Variants in ASAP2 observed in about 807,000 individuals in gnomAD.
ASAP2 encodes ArfGAP with SH3 domain, ankyrin repeat and PH domain 2.
In ASAP2, 45 loss-of-function variants were observed where a neutral mutation model predicts 131.4. The ratio of observed to expected loss-of-function variants is 0.34; its 90% CI spans 0.27 to 0.44. The LOEUF is 0.44. Among genes scored for constraint, ASAP2 ranks in the 20% least tolerant of loss-of-function variants. The pLI, the probability that ASAP2 is intolerant of heterozygous loss-of-function variation, is 1.00. For synonymous variants in ASAP2, 510 were observed against 503.0 expected, an observed-to-expected ratio of 1.01 and a Z score of -0.19; for missense variants, 1,011 against 1,297.0, an observed-to-expected ratio of 0.78 and a Z score of 3.39.
chr2:9,371,912 C>T (rs1674001432), intron 16 of ASAP2, among the ~76,000 whole-genome samples: 3 of 152,080 alleles, frequency 2.0e-5, no homozygotes, highest in Admixed American at 2.0e-4. Flanking sequence ...GTCAGGAGAT[C>T]GAGACCATCC....
chr2:9,229,585 T>C (rs1172389883), intron 1 of ASAP2, among the ~76,000 whole-genome samples: 1 of 152,132 alleles, frequency 6.6e-6, no homozygotes, highest in East Asian at 1.9e-4. Context: ...GCTGGCTGCT[T>C]TTCTGTAGGA....
intron 1 of ASAP2, among the ~76,000 whole-genome samples, chr2:9,221,432 G>A (rs1032695816): frequency 2.6e-5 from 4 of 151,156 alleles, no homozygotes; most frequent in African/African-American, 9.7e-5. Context: ...TGGGATTGCA[G>A]GCATGAGCCA....
In ASAP2 at chr2:9,245,778, C is replaced by T. The variant is rs1304636655; in HGVS notation, c.127-33539C>T. ...ATGCATTAGTCGGTTCGTCGTCTGC[C>T]TCCACTAGAGTGTCATGGATGCTCC... is the stretch of plus-strand genomic sequence containing the variant. On this transcript the variant is annotated intron_variant, in intron 1 of 27. Coordinates refer to ENST00000281419, the MANE Select transcript of ASAP2 (RefSeq NM_003887.3). Among the ~76,000 whole-genome samples, 9 of 152,038 alleles carry T rather than the reference C, an allele frequency of 5.9e-5. 1 individual carries two copies. Among genetic ancestry groups the T allele is most frequent in the Admixed American group, 5.9e-4 (9 of 15,252 alleles).
intron 1 of ASAP2, among the ~76,000 whole-genome samples, chr2:9,241,126 A>T (rs577604419): frequency 6.6e-6 from 1 of 152,382 alleles, no homozygotes; most frequent in South Asian, 2.1e-4. Context: ...GAAACTGTGG[A>T]TAAGAGGGTA....
intron 24 of ASAP2, among the ~76,000 whole-genome samples, chr2:9,398,346 CA>C (rs1676351047): frequency 6.6e-6 from 1 of 151,530 alleles, no homozygotes; most frequent in South Asian, 2.1e-4. Flanking sequence ...CATGTCTTTA[CA>C]AAAAATTTTG....
intron 3 of ASAP2, among the ~76,000 whole-genome samples, chr2:9,317,117 A>ACATCCACATTCACACAC (rs1558324132): frequency 9.9e-5 from 10 of 101,154 alleles, no homozygotes; most frequent in African/African-American, 2.0e-4. Flanking sequence ...ACCCCACGCA[A>ACATCCACATTCACACAC]TCACAACCAC....
intron 7 of ASAP2, among the ~76,000 whole-genome samples, chr2:9,328,860 T>C (rs1003546721): frequency 6.6e-6 from 1 of 152,248 alleles, no homozygotes; most frequent in African/African-American, 2.4e-5. Context: ...AAGAGACAAA[T>C]TTCTAATTAG....
At chr2:9,271,802 A>T (rs533095667) in intron 1 of ASAP2, among the ~76,000 whole-genome samples, 1 of 151,982 alleles carries the variant, frequency 6.6e-6, no homozygotes, top group Non-Finnish European at 1.5e-5. Context: ...AATTGAAAAC[A>T]TGGAGTGTTT....
At chr2:9,343,059 A>G (rs1671697363) in intron 9 of ASAP2, among the ~76,000 whole-genome samples, 1 of 152,102 alleles carries the variant, frequency 6.6e-6, no homozygotes, top group Non-Finnish European at 1.5e-5. Context: ...TTCTCCAAGG[A>G]TGGTGAGCTG....
chr2:9,317,015 TCA>T (rs1477118262), intron 3 of ASAP2, among the ~76,000 whole-genome samples: 1 of 124,560 alleles, frequency 8.0e-6, no homozygotes, highest in East Asian at 2.5e-4. Context: ...ACAACCACAC[TCA>T]CACAACATGC....
At chr2:9,380,697 T>C in intron 19 of ASAP2, 44 bp from the exon 20 acceptor site, 1 of 1,591,104 alleles carries the variant, frequency 6.3e-7, no homozygotes, top group Non-Finnish European at 8.6e-7. Flanking sequence ...AGGCCTTTGC[T>C]GGGTTTTGCC....
rs1054830021 is a variant in ASAP2 at position 9,392,079 on chromosome 2, T to C, written c.2518+883T>C. ...TTTGCTATGTTGCCCAGGCTCGAAT[T>C]CCTGGGCTCAAGTGATCCACCCGCC... On this transcript the variant is annotated intron_variant, in intron 23 of 27. Transcript: ENST00000281419. The surrounding 1 kb of genome is among the most constrained non-coding windows in gnomAD (Gnocchi z 4.0). 3.3e-5 allele frequency among the ~76,000 whole-genome samples: 5 copies of C among 152,160 alleles called. No homozygotes were observed. Among genetic ancestry groups the C allele is most frequent in the Non-Finnish European group, 7.4e-5 (5 of 68,026 alleles).
At chr2:9,230,161 T>A (rs781539133) in intron 1 of ASAP2, among the ~76,000 whole-genome samples, 20 of 152,190 alleles carry the variant, frequency 1.3e-4, no homozygotes, top group Non-Finnish European at 2.4e-4. Context: ...AGTTTCAGAA[T>A]AAACACATAT....
intron 7 of ASAP2, among the ~76,000 whole-genome samples, chr2:9,328,261 A>G (rs73148719): frequency 0.03 from 4,578 of 152,312 alleles, 232 homozygotes; most frequent in African/African-American, 0.1. Flanking sequence ...AAAATATTCC[A>G]GAAGTGAGTG....
chr2:9,259,657 C>T (rs76470744), intron 1 of ASAP2, among the ~76,000 whole-genome samples: 2,607 of 152,316 alleles, frequency 0.017, 93 homozygotes, highest in African/African-American at 0.059. Context: ...CCCCCTGCCC[C>T]GAGGCTGGAC....
intron 15 of ASAP2, among the ~76,000 whole-genome samples, chr2:9,367,923 T>G (rs1673610372): frequency 6.6e-6 from 1 of 152,232 alleles, no homozygotes; most frequent in Non-Finnish European, 1.5e-5. Flanking sequence ...CCCATTTTAC[T>G]GATGAAAACT....
chr2:9,363,402 C>T (rs1326009114), intron 15 of ASAP2, among the ~76,000 whole-genome samples: 1 of 152,110 alleles, frequency 6.6e-6, no homozygotes, highest in Non-Finnish European at 1.5e-5. Flanking sequence ...ACATTCCCAC[C>T]CAGTGTGCAA....
chr2:9,216,843 C>T (rs1662085212), intron 1 of ASAP2, among the ~76,000 whole-genome samples: 1 of 152,124 alleles, frequency 6.6e-6, no homozygotes, highest in African/African-American at 2.4e-5. Context: ...AAGTGATCCT[C>T]CTGCCTTGCC....
chr2:9,223,454 A>G (rs1662562737), intron 1 of ASAP2, among the ~76,000 whole-genome samples: 1 of 152,180 alleles, frequency 6.6e-6, no homozygotes, highest in Non-Finnish European at 1.5e-5. Context: ...TGCCCCTAAT[A>G]TGCCATGAAA....
Sources: gnomAD v4.1 joint callset for allele counts (sites outside exome capture counted in the v4.1 genomes callset) on GRCh38, gnomAD v4.1.1 for gene constraint, Gnocchi (gnomAD v3.1) non-coding constraint, MANE v1.5 for transcripts, NCBI Gene and HGNC (gene_info 2026-07-23, HGNC 2026-07-21) for gene names.